Variants in ZNF177 observed in about 807,000 individuals in gnomAD.
ZNF177 encodes the protein zinc finger protein 177.
A neutral mutation model predicts 19.4 loss-of-function variants in ZNF177; 17 were observed. The ratio of observed to expected loss-of-function variants is 0.87; its 90% CI spans 0.60 to 1.31. The LOEUF (loss-of-function observed/expected upper bound fraction) is 1.31. ZNF177 is among the 40% of genes most tolerant of loss of function. The pLI is 0.00. For synonymous variants in ZNF177, 220 were observed against 188.7 expected, an observed-to-expected ratio of 1.17 and a Z score of -1.36; for missense variants, 633 against 561.8, an observed-to-expected ratio of 1.13 and a Z score of -1.28.
At chr19:9,369,794 T>A (rs187174754) in intron 2 of ZNF177, among the ~76,000 whole-genome samples, 9 of 152,256 alleles carry the variant, frequency 5.9e-5, no homozygotes, top group Middle Eastern at 3.4e-3. Flanking sequence ...AGCTATTTTA[T>A]CATGCATACT....
At chr19:9,381,455 A>C (rs374814922) in exon 6 of ZNF177, 42 of 1,611,500 alleles carry the variant, frequency 2.6e-5, no homozygotes, top group African/African-American at 2.4e-4. Flanking sequence ...GACTGTGGAA[A>C]AGCCTTCATC....
upstream of ZNF177, among the ~76,000 whole-genome samples, chr19:9,372,640 A>G (rs1043090060): frequency 3.6e-5 from 5 of 137,488 alleles, no homozygotes; most frequent in African/African-American, 1.4e-4. Context: ...TCTGCCTCCC[A>G]GGTTCAAGCA....
chr19:9,379,124 G>T, intron 3 of ZNF177, 36 bp downstream of exon 5: 2 of 1,570,816 alleles, frequency 1.3e-6, no homozygotes, highest in Non-Finnish European at 1.7e-6. Context: ...TGTTTATGTA[G>T]CAAATAGTTC....
upstream of ZNF177, among the ~76,000 whole-genome samples, chr19:9,373,310 A>C (rs1385914443): frequency 6.6e-6 from 1 of 152,188 alleles, no homozygotes; most frequent in Non-Finnish European, 1.5e-5. Context: ...TGAATAACCC[A>C]CTGTGTGTAT....
At chr19:9,366,992 T>A (rs1710399136) in intron 2 of ZNF177, among the ~76,000 whole-genome samples, 1 of 152,208 alleles carries the variant, frequency 6.6e-6, no homozygotes, top group South Asian at 2.1e-4. Flanking sequence ...AAATGTACAT[T>A]CAGATCATTT....
chr19:9,378,384 A>G (rs759464094), intron 2 of ZNF177, 40 bp downstream of exon 4: 3 of 1,612,666 alleles, frequency 1.9e-6, no homozygotes, highest in Non-Finnish European at 2.5e-6. Flanking sequence ...GCACACTGCC[A>G]TTCCTGAAAA....
At chr19:9,382,443 A>T, downstream of ZNF177, 1 of 398,668 alleles carries the variant, frequency 2.5e-6, no homozygotes, top group Non-Finnish European at 4.4e-6. Context: ...AACAGGGGAG[A>T]TACAATATTA....
rs777400177 is a variant in ZNF177 at position 9,381,721 on chromosome 19, A to G, written c.1390A>G (p.Ser464Gly). 2.5e-6 allele frequency: 4 copies of G among 1,613,522 alleles called. No homozygotes were observed. In the African/African-American group the frequency reaches 4.0e-5, roughly 16 times the overall value. The change falls in exon 6 of 6, where the codon AGC (serine) becomes GGC (glycine). Residue 464 changes from serine (S) to glycine (G), a missense_variant. By Grantham distance (56) the Ser-to-Gly change is moderately conservative. Transcript: ENST00000589262. ...TCAGTGTGAAAAAGCCTTTAGCACA[A>G]GCACTAACCTTATAATGCACAAGCG...
At chr19:9,372,827 G>C (rs1395597159), upstream of ZNF177, among the ~76,000 whole-genome samples, 1 of 151,982 alleles carries the variant, frequency 6.6e-6, no homozygotes, top group Admixed American at 6.6e-5. Context: ...GATGACAGGC[G>C]TGAGCCACCA....
chr19:9,374,519 G>C (rs2068085695), upstream of ZNF177, among the ~76,000 whole-genome samples: 1 of 152,066 alleles, frequency 6.6e-6, no homozygotes, highest in Non-Finnish European at 1.5e-5. Flanking sequence ...TGAACACTGG[G>C]TGGCTTCCCA....
At chr19:9,363,706 G>C (rs529510488) in intron 1 of ZNF177, among the ~76,000 whole-genome samples, 162 of 152,278 alleles carry the variant, frequency 1.1e-3, no homozygotes, top group African/African-American at 3.6e-3. Flanking sequence ...GGTGTGTTTT[G>C]TATGCAGCAA....
chr19:9,375,774 TCA>T (rs372530270), upstream of ZNF177, among the ~76,000 whole-genome samples: 73 of 152,310 alleles, frequency 4.8e-4, 2 homozygotes, highest in African/African-American at 1.7e-3. Flanking sequence ...CAACCAACAT[TCA>T]GTTTCATCGA....
exon 6 of ZNF177, chr19:9,381,907 G>T: frequency 7.4e-7 from 1 of 1,342,306 alleles, no homozygotes; most frequent in South Asian, 1.5e-5. Context: ...TGTTATACTG[G>T]GACAAACCTT....
chr19:9,363,377 G>A (rs2067932272), intron 1 of ZNF177: 1 of 152,230 alleles, frequency 6.6e-6, no homozygotes, highest in Non-Finnish European at 1.5e-5. Context: ...GTCCCCAGTA[G>A]GAGACTATTT....
intron 2 of ZNF177, 133 bp downstream of exon 4, chr19:9,378,477 T>C: frequency 7.2e-7 from 1 of 1,382,316 alleles, no homozygotes; most frequent in East Asian, 2.6e-5. Context: ...GGCTGCTTCA[T>C]GTGGAAGAGG....
chr19:9,382,372 C>G (rs143568443), downstream of ZNF177: 1,955 of 398,722 alleles, frequency 4.9e-3, 84 homozygotes, highest in Admixed American at 0.075. Context: ...TTGTCTTGTC[C>G]CTTATTTCCT....
chr19:9,378,558 A>G (rs1218932151), intron 2 of ZNF177: 1 of 754,600 alleles, frequency 1.3e-6, no homozygotes, highest in African/African-American at 1.8e-5. Context: ...ATTTTTGAGT[A>G]TGAATTCCAT....
intron 2 of ZNF177, among the ~76,000 whole-genome samples, chr19:9,368,486 C>T (rs1453785868): frequency 6.6e-6 from 1 of 152,032 alleles, no homozygotes; most frequent in East Asian, 1.9e-4. Context: ...GAATTTTGCC[C>T]GATTTTTTTC....
chr19:9,380,042 C>A lies in ZNF177; in HGVS notation c.254-15C>A. ...TTTTCTCCCAATAATTATAAAAATTCCTGTGCTATTTCAGACTGGGAAACT... is the reference window on the plus strand; with the variant it reads ...TTTTCTCCCAATAATTATAAAAATTACTGTGCTATTTCAGACTGGGAAACT... On this transcript the variant is annotated splice_polypyrimidine_tract_variant and intron_variant, in intron 4 of 5. Transcript: ENST00000589262. 6.2e-7 allele frequency: 1 copy of A among 1,604,244 alleles called. No homozygotes were observed. The highest frequency in any genetic ancestry group is 8.5e-7 in the Non-Finnish European group (1 of 1,177,676).
Sources: gnomAD v4.1 joint callset for allele counts (sites outside exome capture counted in the v4.1 genomes callset) on GRCh38, gnomAD v4.1.1 for gene constraint, MANE v1.5 for transcripts, NCBI Gene and HGNC (gene_info 2026-07-23, HGNC 2026-07-21) for gene names.